The following CDH13 variants were observed in gnomAD, a reference collection of about 807,000 sequenced individuals.
CDH13 encodes the protein cadherin 13, also known as cadherin-13.
Under a neutral mutation model 63.8 loss-of-function variants are expected in CDH13, and 24 were observed. The observed-to-expected ratio is 0.38, with a 90% confidence interval of 0.27 to 0.53. The LOEUF (loss-of-function observed/expected upper bound fraction) is 0.53. CDH13 is among the 20% of genes least tolerant of loss of function. The pLI, the probability that CDH13 is intolerant of heterozygous loss-of-function variation, is 0.85. For synonymous variants in CDH13, 503 were observed against 355.3 expected, an observed-to-expected ratio of 1.42 and a Z score of -4.67; for missense variants, 1,049 against 903.1, an observed-to-expected ratio of 1.16 and a Z score of -2.07.
chr16:83,247,388 T>A (rs2113290), intron 5 of CDH13, among the ~76,000 whole-genome samples: 122,865 of 152,118 alleles, frequency 0.81, 49,748 homozygotes, highest in East Asian at 0.97. Flanking sequence ...CTTAATGACT[T>A]TGTACGTGCT....
intron 1 of CDH13, among the ~76,000 whole-genome samples, chr16:82,781,529 C>T (rs2035753782): frequency 6.6e-6 from 1 of 152,084 alleles, no homozygotes; most frequent in African/African-American, 2.4e-5. Context: ...ATCTATTCAC[C>T]TATCCATCCA....
intron 1 of CDH13, among the ~76,000 whole-genome samples, chr16:82,681,856 G>A (rs1222716322): frequency 6.6e-6 from 1 of 152,226 alleles, no homozygotes; most frequent in African/African-American, 2.4e-5. Context: ...TCCAGGTGGG[G>A]TCCAGAGCTC....
intron 11 of CDH13, among the ~76,000 whole-genome samples, chr16:83,778,126 A>T (rs368037538): frequency 1.1e-4 from 16 of 152,252 alleles, no homozygotes; most frequent in African/African-American, 3.9e-4. Context: ...AACTACTAAC[A>T]AATGGTTTGT....
At chr16:82,900,784 G>T (rs1167309555) in intron 2 of CDH13, among the ~76,000 whole-genome samples, 1 of 152,248 alleles carries the variant, frequency 6.6e-6, no homozygotes, top group Non-Finnish European at 1.5e-5. Context: ...GTGCAGAATA[G>T]TGAAGGAAGA....
At chr16:83,374,641 G>A (rs571241604) in intron 6 of CDH13, among the ~76,000 whole-genome samples, 21 of 152,276 alleles carry the variant, frequency 1.4e-4, no homozygotes, top group African/African-American at 4.1e-4. Flanking sequence ...GTTTCGAGGC[G>A]GAAGAAGCTT....
At chr16:82,804,496 A>T (rs572361174) in intron 1 of CDH13, among the ~76,000 whole-genome samples, 1 of 152,192 alleles carries the variant, frequency 6.6e-6, no homozygotes, top group Non-Finnish European at 1.5e-5. Context: ...ATTAAGAAAA[A>T]GAAATAAAAA....
intron 10 of CDH13, among the ~76,000 whole-genome samples, chr16:83,726,763 G>C (rs1276320233): frequency 6.6e-6 from 1 of 152,004 alleles, no homozygotes; most frequent in Non-Finnish European, 1.5e-5. Flanking sequence ...GCGTGAACCC[G>C]GGAGGCGGAG....
chr16:83,018,323 C>G (rs1915009698), intron 2 of CDH13, among the ~76,000 whole-genome samples: 2 of 152,146 alleles, frequency 1.3e-5, no homozygotes, highest in Non-Finnish European at 1.5e-5. Context: ...GATGCTATTC[C>G]ACATTCACCT....
At chr16:82,954,317 G>C (rs551606900) in intron 2 of CDH13, 1 of 152,182 alleles carries the variant, frequency 6.6e-6, no homozygotes, top group African/African-American at 2.4e-5. Flanking sequence ...CCTGTGGAAG[G>C]GAAGGGGCTG....
intron 1 of CDH13, among the ~76,000 whole-genome samples, chr16:82,743,741 C>G (rs1009103554): frequency 6.6e-6 from 1 of 152,130 alleles, no homozygotes; most frequent in Non-Finnish European, 1.5e-5. Flanking sequence ...TTAATGTTTT[C>G]TCACATTCCT....
At chr16:83,177,476 A>C (rs1030222970) in intron 4 of CDH13, among the ~76,000 whole-genome samples, 4 of 152,204 alleles carry the variant, frequency 2.6e-5, no homozygotes, top group Admixed American at 2.6e-4. Context: ...CCGCAAGCCA[A>C]GCTACTCATC....
intron 2 of CDH13, among the ~76,000 whole-genome samples, chr16:82,879,655 GATATA>G (rs892491589): frequency 4.8e-4 from 65 of 136,302 alleles, no homozygotes; most frequent in African/African-American, 1.5e-3. Flanking sequence ...CATATATTTA[GATATA>G]ATATATTTTA....
chr16:83,337,723 C>T (rs927382113), intron 5 of CDH13, among the ~76,000 whole-genome samples: 2 of 135,592 alleles, frequency 1.5e-5, no homozygotes, highest in Non-Finnish European at 3.0e-5. Flanking sequence ...TATTTCGCAG[C>T]CTTTAGTTTG....
At chr16:83,112,490 T>G (rs1264954068) in intron 3 of CDH13, among the ~76,000 whole-genome samples, 1 of 152,238 alleles carries the variant, frequency 6.6e-6, no homozygotes, top group Non-Finnish European at 1.5e-5. Flanking sequence ...GAGGGCTTAA[T>G]GTGTTTTTAG....
intron 2 of CDH13, among the ~76,000 whole-genome samples, chr16:83,002,567 G>A (rs1445152758): frequency 6.6e-6 from 1 of 152,230 alleles, no homozygotes; most frequent in East Asian, 1.9e-4. Context: ...CTGCCATTGT[G>A]ATGTGTTCAT....
At chr16:83,515,811 T>A (rs535666737) in intron 7 of CDH13, among the ~76,000 whole-genome samples, 1 of 152,346 alleles carries the variant, frequency 6.6e-6, no homozygotes, top group African/African-American at 2.4e-5. Flanking sequence ...ATAAAATTAA[T>A]AAGTTGTTTT....
chr16:83,096,867 T>G (rs1412643364), intron 3 of CDH13, among the ~76,000 whole-genome samples: 2 of 152,236 alleles, frequency 1.3e-5, no homozygotes, highest in East Asian at 3.8e-4. Flanking sequence ...AGTTTTTGTT[T>G]AAAGGAAAAA....
intron 2 of CDH13, among the ~76,000 whole-genome samples, chr16:82,873,065 C>T (rs1174156354): frequency 6.6e-6 from 1 of 152,174 alleles, no homozygotes; most frequent in Non-Finnish European, 1.5e-5. Context: ...TTCTGCATGG[C>T]TGCTGAAGAA....
chr16:83,158,218 T>C (rs2037296869), intron 4 of CDH13, among the ~76,000 whole-genome samples: 1 of 152,148 alleles, frequency 6.6e-6, no homozygotes, highest in South Asian at 2.1e-4. Context: ...CCTCTCATCT[T>C]ATTTTTAAAT....
Sources: gnomAD v4.1 joint callset for allele counts (sites outside exome capture counted in the v4.1 genomes callset) on GRCh38, gnomAD v4.1.1 for gene constraint, MANE v1.5 for transcripts, NCBI Gene and HGNC (gene_info 2026-07-23, HGNC 2026-07-21) for gene names.